PKD1: variants seen among roughly 807,000 people sequenced by gnomAD.
PKD1 encodes the protein polycystin 1, transient receptor potential channel interacting.
A neutral mutation model predicts 361.7 loss-of-function variants in PKD1; 81 were observed. The observed-to-expected ratio is 0.22, with a 90% CI of 0.19 to 0.27. PKD1 has a LOEUF of 0.27. Ranked by LOEUF, PKD1 falls within the 10% of genes least tolerant of loss-of-function variation. PKD1 has a pLI of 1.00. For synonymous variants in PKD1, 3,615 were observed against 2,818.3 expected, an observed-to-expected ratio of 1.28 and a Z score of -8.95; for missense variants, 6,399 against 6,118.3, an observed-to-expected ratio of 1.05 and a Z score of -1.53.
rs145225830 is a variant in PKD1, at chr16:2,109,302, G to T, written c.5865C>A (p.His1955Gln). The change falls in exon 15 of 46, where the codon CAC (histidine) becomes CAA (glutamine). Residue 1955 changes from histidine to glutamine, a missense_variant. By Grantham distance (24) the His-to-Gln change is conservative (BLOSUM62 0). Transcript: ENST00000262304. Reference sequence around the variant, plus strand: ...GCACCTGCGCCTGGGCCCAGCTCACGTGGTTTTTGCCCCGCACGCTCACCA... The same window carrying T: ...GCACCTGCGCCTGGGCCCAGCTCACTTGGTTTTTGCCCCGCACGCTCACCA... ...DHVVSVRGKN[H>Q]VSWAQAQVRI... The T allele has an allele frequency of 2.6e-5, 42 of 1,584,984 alleles. No homozygotes were observed. Among genetic ancestry groups the T allele is most frequent in the Admixed American group, 1.2e-4 (7 of 59,444 alleles).
In PKD1 at chr16:2,107,430, G is replaced by A. The variant is rs546475462; in HGVS notation, c.7065+453C>T. On this transcript the variant is annotated intron_variant, in intron 16 of 45. Transcript: ENST00000262304. ...AGGCCAGCTGAGGAAAGCAGGGACT[G>A]GGGAACAGACGCCCACTCTGGGGCA... The A allele has an allele frequency of 3.9e-4, 142 of 361,020 alleles. 3 individuals are homozygous for A. The highest frequency in any genetic ancestry group is 3.3e-3 in the South Asian group (141 of 42,722). The allele number at this position is 361,020 out of a possible 1,614,324, so 22.4% of individuals were successfully genotyped here.
chr16:2,121,088 G>A (rs1325046543), intron 1 of PKD1, among the ~76,000 whole-genome samples: 5 of 151,944 alleles, frequency 3.3e-5, no homozygotes, highest in Admixed American at 6.6e-5. Flanking sequence ...GGAAAGAGCC[G>A]GGTGCAATGG....
intron 11 of PKD1, 143 bp from the exon 12 acceptor site, chr16:2,113,435 G>A (rs1472328058): frequency 2.0e-6 from 2 of 994,694 alleles, no homozygotes; most frequent in East Asian, 4.8e-5. Flanking sequence ...GCATGCCATG[G>A]GAGCCAAGCC....
rs771587495 is a variant in PKD1 at position 2,108,551 on chromosome 16, G to A, written c.6616C>T (p.Leu2206=). The change falls in exon 15 of 46, where the codon CTG becomes TTG. Residue 2206 remains leucine, a synonymous_variant. Transcript: ENST00000262304. ...GGCCGGCTCACGTCCACGCCGGGCA[G>A]GGCCACACGCGCTGGGCGCCCCGGC... ...QRPGRPARVA[L]PGVDVSRPRL... is the part of the protein sequence containing the mutation. The A allele has an allele frequency of 1.7e-5, 28 of 1,602,622 alleles. No homozygotes were observed. The highest frequency in any genetic ancestry group is 2.6e-6 in the Non-Finnish European group (3 of 1,175,884).
At chr16:2,104,269 G>T (rs928513291) in intron 22 of PKD1, among the ~76,000 whole-genome samples, 1 of 63,128 alleles carries the variant, frequency 1.6e-5, no homozygotes, top group Admixed American at 1.3e-4. Flanking sequence ...GGGGAGGACG[G>T]GGGGGGAAAT....
In PKD1 at chr16:2,088,865, T is replaced by A. The variant is rs1441475300; in HGVS notation, c.*862A>T. On this transcript the variant is annotated 3_prime_UTR_variant, in exon 46 of 46. Transcript: ENST00000262304. ...AGGCTGCCTGGGCCATACAGCACACTCGCGCGTGCGCGCGCGCACACACAC... is the reference window on the plus strand; with the variant it reads ...AGGCTGCCTGGGCCATACAGCACACACGCGCGTGCGCGCGCGCACACACAC... 6.1e-5 allele frequency: 32 copies of A among 526,584 alleles called. 1 individual carries two copies. In the African/African-American group the frequency reaches 6.3e-4, roughly 10 times the overall value. 32.6% of individuals were successfully genotyped at this position (526,584 alleles called of 1,614,324 possible).
chr16:2,124,964 G>A (rs1271461257), intron 1 of PKD1, among the ~76,000 whole-genome samples: 4 of 152,198 alleles, frequency 2.6e-5, no homozygotes, highest in African/African-American at 9.6e-5. Context: ...CCCCAGGCCC[G>A]TCCCTCCCGA....
rs57922772 is a variant in PKD1, at chr16:2,104,460, C to T, written c.8161+38G>A. On this transcript the variant is annotated intron_variant, in intron 22 of 45. Transcript: ENST00000262304. ...GAGGGAGGCAGAGGAAAGGGCCGCA[C>T]GGGGCGGGCGGGTGGCATGGGGCAC... 0.17 allele frequency: 237,913 copies of T among 1,409,230 alleles called. 21,458 individuals are homozygous for T. The highest frequency in any genetic ancestry group is 0.31 in the East Asian group (11,917 of 38,896). The allele number at this position is 1,409,230 out of a possible 1,614,324, so 87.3% of individuals were successfully genotyped here.
rs144091742 is a variant in PKD1 at position 2,110,130 on chromosome 16, G to A, written c.5037C>T (p.Ser1679=). 289 of 1,608,974 alleles carry A rather than the reference G, an allele frequency of 1.8e-4. No homozygotes were observed. Among genetic ancestry groups the A allele is most frequent in the Non-Finnish European group, 2.3e-4 (272 of 1,179,136 alleles). The change falls in exon 15 of 46, where the codon AGC becomes AGT. Residue 1679 remains serine, a synonymous_variant. Coordinates refer to ENST00000262304, the MANE Select transcript of PKD1 (RefSeq NM_001009944.3). Reference sequence around the variant, plus strand: ...GCACGGTGAGCGAGAAGCCTTTGCCGCTGCCGGCCAGGGCCGGGCCCCTGT... The same window carrying A: ...GCACGGTGAGCGAGAAGCCTTTGCCACTGCCGGCCAGGGCCGGGCCCCTGT... ...WRDRGPALAG[S]GKGFSLTVLE... is the part of the protein sequence containing the mutation.
At position 2,116,974 on chromosome 16, in the gene PKD1, G is replaced by A; in HGVS notation, c.1465C>T (p.Leu489=). 4 of 1,540,070 alleles carry A rather than the reference G, an allele frequency of 2.6e-6. No homozygotes were observed. Among genetic ancestry groups the A allele is most frequent in the Non-Finnish European group, 3.5e-6 (4 of 1,136,968 alleles). Residue 489 remains leucine (L), a synonymous_variant, in exon 7 of 46, where the codon CTG becomes TTG. Coordinates refer to ENST00000262304, the MANE Select transcript of PKD1 (RefSeq NM_001009944.3). The stretch of plus-strand genomic sequence containing the variant: ...GGCAGCCAGTTCTGGCAGCTCTCCA[G>A]GCTGAAGGCCTCGCCCTGCGGCGCT... ...GPAPQGEAFS[L]ESCQNWLPGE...
Position 2,094,074 on chromosome 16 carries a change from G to A in PKD1, c.10618+18C>T, listed in dbSNP as rs745724198. ...CACAGGGAGGGGCTAGGGGCATCCC[G>A]GGGCTACGCAAGCACACCTGTCCTG... On this transcript the variant is annotated intron_variant, in intron 35 of 45. Coordinates refer to ENST00000262304, the MANE Select transcript of PKD1 (RefSeq NM_001009944.3). 60 of 1,583,202 alleles carry A rather than the reference G, an allele frequency of 3.8e-5. No homozygotes were observed. Among genetic ancestry groups the A allele is most frequent in the South Asian group, 5.7e-5 (5 of 88,184 alleles).
In PKD1 at chr16:2,105,151, A is replaced by ACAG. The variant is rs1294487185; in HGVS notation, c.8016+168_8016+170dup. Among the ~76,000 whole-genome samples the ACAG allele has an allele frequency of 7.7e-3, 1,143 of 147,868 alleles. 10 individuals carry two copies. The highest frequency in any genetic ancestry group is 0.012 in the Non-Finnish European group (789 of 65,708). On this transcript the variant is annotated intron_variant, in intron 21 of 45. Coordinates refer to ENST00000262304, the MANE Select transcript of PKD1 (RefSeq NM_001009944.3). ...GAGAGGCACCCTGCGTTCACACAGGACAGAACGGCTGAGGCTACTGAAGCA... is the reference window on the plus strand; with the variant it reads ...GAGAGGCACCCTGCGTTCACACAGGACAGCAGAACGGCTGAGGCTACTGAAGCA...
intron 1 of PKD1, among the ~76,000 whole-genome samples, chr16:2,130,973 C>G (rs1323090728): frequency 1.3e-5 from 2 of 152,034 alleles, no homozygotes; most frequent in East Asian, 3.9e-4. Flanking sequence ...GCCTTTAGAG[C>G]AGGGGGCCCT....
Position 2,102,400 on chromosome 16 carries a change from T to G in PKD1, c.9182A>C (p.His3061Pro). ...FGASLFVPPS[H>P]VRFVFPEPTA... ...ACTCACAGGAAACACAAAGCGGACA[T>G]GGCTTGGGGGCACGAAGAGGCTGGC... The change falls in exon 25 of 46, where the codon CAT (histidine) becomes CCT (proline). Residue 3061 changes from histidine to proline, a missense_variant. His to Pro is a moderately conservative substitution (Grantham distance 77, BLOSUM62 -2). Transcript: ENST00000262304. 6.4e-7 allele frequency: 1 copy of G among 1,558,740 alleles called. No homozygotes were observed. The highest frequency in any genetic ancestry group is 2.4e-5 in the East Asian group (1 of 42,010).
At chr16:2,116,270 T>G (rs2092633730) in intron 8 of PKD1, 152 bp from the exon 9 acceptor site, 1 of 828,352 alleles carries the variant, frequency 1.2e-6, no homozygotes, top group South Asian at 1.5e-5. Context: ...AGAGGAAGAC[T>G]CCGGTGGAAA....
Position 2,110,765 on chromosome 16 carries a change from C to T in PKD1, c.4402G>A (p.Val1468Ile). The change falls in exon 15 of 46, where the codon GTC (valine) becomes ATC (isoleucine). Residue 1468 changes from valine (V) to isoleucine (I), a missense_variant. Val to Ile is a conservative substitution (Grantham distance 29). Coordinates refer to ENST00000262304, the MANE Select transcript of PKD1 (RefSeq NM_001009944.3). ...ALVEVQEPVL[V>I]TSIKVNGSLG... ...GAGCCATTGACCTTGATGCTGGTGA[C>T]CAGCACGGGCTCCTGCACCTCCACC... 6.8e-6 allele frequency: 11 copies of T among 1,610,780 alleles called. No homozygotes were observed. The highest frequency in any genetic ancestry group is 9.3e-6 in the Non-Finnish European group (11 of 1,179,802).
Position 2,112,834 on chromosome 16 carries a change from G to C in PKD1, c.3115C>G (p.Leu1039Val), listed in dbSNP as rs776717269. The C allele has an allele frequency of 1.1e-5, 17 of 1,603,224 alleles. No individual in the cohort carries two copies. The South Asian group carries it at 1.5e-4, about 15-fold the overall frequency. ...AVLSPNATLA[L>V]TAGVLVDSAV... ...GAGTCCACCAGCACGCCCGCCGTCA[G>C]TGCTAGCGTGGCATTGGGGGACAGC... Residue 1039 changes from leucine to valine, a missense_variant, in exon 13 of 46, where the codon CTG (leucine) becomes GTG (valine). Transcript: ENST00000262304.
chr16:2,096,965 G>T, intron 34 of PKD1, 183 bp downstream of exon 34: 1 of 618,034 alleles, frequency 1.6e-6, no homozygotes, highest in Non-Finnish European at 2.9e-6. Flanking sequence ...AGGTTCTGGG[G>T]CCCTGGGGAT....
intron 1 of PKD1, among the ~76,000 whole-genome samples, chr16:2,121,820 G>A (rs1031691689): frequency 2.0e-5 from 3 of 152,088 alleles, no homozygotes; most frequent in African/African-American, 4.8e-5. Flanking sequence ...CTCCTGCCAC[G>A]GGCCTCTACT....
Sources: gnomAD v4.1 joint callset for allele counts (sites outside exome capture counted in the v4.1 genomes callset) on GRCh38, gnomAD v4.1.1 for gene constraint, MANE v1.5 for transcripts, NCBI Gene and HGNC (gene_info 2026-07-23, HGNC 2026-07-21) for gene names.